Variants in HPS4 observed in about 807,000 individuals in gnomAD.
HPS4 encodes the protein HPS4 biogenesis of lysosomal organelles complex 3 subunit 2.
In HPS4, 44 loss-of-function variants were observed where a neutral mutation model predicts 70.3. That is an observed-to-expected ratio of 0.63 (90% CI 0.49 to 0.80). The LOEUF (loss-of-function observed/expected upper bound fraction) is 0.80, where lower values mean the gene tolerates loss of function less well. Among genes scored for constraint, HPS4 ranks in the 30% least tolerant of loss-of-function variants. The pLI is 0.00. For synonymous variants in HPS4, 377 were observed against 355.9 expected (o/e 1.06, Z -0.67); for missense variants, 873 against 884.4 (o/e 0.99, Z 0.16).
intron 7 of HPS4, among the ~76,000 whole-genome samples, chr22:26,469,341 G>T (rs1195147831): frequency 2.0e-5 from 3 of 150,772 alleles, no homozygotes; most frequent in Non-Finnish European, 4.4e-5. Flanking sequence ...AGTGCTTGTT[G>T]TTCCAGCTAC....
At chr22:26,450,641 CAT>C (rs1454269217), downstream of HPS4, among the ~76,000 whole-genome samples, 6 of 152,340 alleles carry the variant, frequency 3.9e-5, no homozygotes, top group Middle Eastern at 3.4e-3. Flanking sequence ...ATAGTCCCCA[CAT>C]GTCGTGGGAG....
At chr22:26,465,198 C>T (rs1363686869) in intron 10 of HPS4, among the ~76,000 whole-genome samples, 2 of 152,184 alleles carry the variant, frequency 1.3e-5, no homozygotes, top group Admixed American at 6.5e-5. Context: ...AAAACTGAGG[C>T]TCAGGCAGGG....
chr22:26,476,780 G>C (rs1412806511), intron 4 of HPS4: 11 of 559,130 alleles, frequency 2.0e-5, no homozygotes, highest in Admixed American at 1.5e-4. Context: ...GAAACCAGCT[G>C]TGTGCAATGC....
chr22:26,458,586 GGGGAGAGGGTCATGGGCTTGTA>G lies in HPS4; in HGVS notation c.1714-31_1714-10del, dbSNP rs1284149868. 3.7e-6 allele frequency: 6 copies of G among 1,613,814 alleles called. No individual in the cohort carries two copies. On this transcript the variant is annotated splice_polypyrimidine_tract_variant and intron_variant, in intron 11 of 13. Transcript: ENST00000398145. ...GCCAGGCTGCTGTGGTACTGCAAAG[GGGGAGAGGGTCATGGGCTTGTA>G]GGGCTGACCTCAGCAAGCCTTCTGA...
chr22:26,462,531 G>A (rs568601899), intron 11 of HPS4, among the ~76,000 whole-genome samples: 4 of 152,236 alleles, frequency 2.6e-5, no homozygotes, highest in Non-Finnish European at 4.4e-5. Context: ...TGGCTAAAAC[G>A]AGAGATGCGA....
chr22:26,478,745 C>T (rs1032401847), intron 3 of HPS4, among the ~76,000 whole-genome samples: 5 of 101,290 alleles, frequency 4.9e-5, no homozygotes, highest in African/African-American at 1.3e-4. Context: ...TGTGCAATGG[C>T]GCAGTCTCTG....
Position 26,453,159 on chromosome 22 carries a change from G to T in HPS4, c.*74C>A. The T allele has an allele frequency of 7.2e-7, 1 of 1,385,134 alleles. No individual in the cohort carries two copies. The highest frequency in any genetic ancestry group is 1.0e-6 in the Non-Finnish European group (1 of 983,886). The allele number at this position is 1,385,134 out of a possible 1,614,324, so 85.8% of individuals were successfully genotyped here. A position where few individuals can be genotyped will look rare whatever the true frequency, so the allele number is the denominator to read the frequency against. The stretch of plus-strand genomic sequence containing the variant: ...ATGTTTTCAAGAAAAATAAAATAGA[G>T]GGGCCTTTTCAATTATAAAAGGCAG... On this transcript the variant is annotated 3_prime_UTR_variant, in exon 14 of 14. Coordinates refer to ENST00000398145, the MANE Select transcript of HPS4 (RefSeq NM_022081.6).
chr22:26,480,179 GTT>G (rs1569132264), intron 2 of HPS4, among the ~76,000 whole-genome samples: 1 of 152,234 alleles, frequency 6.6e-6, no homozygotes, highest in African/African-American at 2.4e-5. Flanking sequence ...CCTCAATTTT[GTT>G]TTGTTTTTAC....
At chr22:26,463,456 A>C (rs532974015) in intron 11 of HPS4, among the ~76,000 whole-genome samples, 1 of 152,326 alleles carries the variant, frequency 6.6e-6, no homozygotes, top group East Asian at 1.9e-4. Context: ...CAACACATGC[A>C]CGTACGTGTG....
At chr22:26,477,728 T>C (rs1602089501) in intron 3 of HPS4, among the ~76,000 whole-genome samples, 1 of 152,122 alleles carries the variant, frequency 6.6e-6, no homozygotes, top group East Asian at 1.9e-4. Context: ...ACCAAGACTC[T>C]AGATCTTACT....
chr22:26,473,581 C>T (rs754306520), intron 4 of HPS4, among the ~76,000 whole-genome samples: 15 of 152,082 alleles, frequency 9.9e-5, no homozygotes, highest in East Asian at 1.9e-4. Context: ...GGTGAAACCC[C>T]GTCTCTACTA....
In HPS4 at chr22:26,464,794, C is replaced by T. The variant is rs143294921; in HGVS notation, c.836G>A (p.Gly279Asp). ...ACCCTTTGGATGGTGCTGGGCTGAA[C>T]CATCCTGGAGTCCTGCTGGAGATGC... The part of the protein sequence containing the change: ...SLASPAGLQD[G>D]SAQHHPKGGS... The change falls in exon 11 of 14, where the codon GGT becomes GAT. Residue 279 changes from glycine to aspartate, a missense_variant. Physicochemically the swap from Gly to Asp is moderately conservative, Grantham distance 94. Coordinates refer to ENST00000398145, the MANE Select transcript of HPS4 (RefSeq NM_022081.6). The T allele has an allele frequency of 4.0e-5, 64 of 1,592,576 alleles. No homozygotes were observed. Among genetic ancestry groups the T allele is most frequent in the Middle Eastern group, 3.4e-4 (2 of 5,938 alleles).
intron 11 of HPS4, 111 bp downstream of exon 11, chr22:26,463,806 C>A: frequency 8.5e-7 from 1 of 1,171,500 alleles, no homozygotes; most frequent in East Asian, 2.4e-5. Flanking sequence ...GGTCACACAA[C>A]TGAGGGCTGA....
chr22:26,464,323 T>C lies in HPS4; in HGVS notation c.1307A>G (p.Gln436Arg), dbSNP rs117114544. The change falls in exon 11 of 14, where the codon CAG (glutamine) becomes CGG (arginine). Residue 436 changes from glutamine (Q) to arginine (R), a missense_variant. Transcript: ENST00000398145. The stretch of plus-strand genomic sequence containing the variant: ...TTCGAGCTGCTCTTGGGCTCCATGC[T>C]GGGTCAGCATCTCAGGAGCAGAGGG... ...RPPSAPEMLT[Q>R]HGAQEQLEDH... The C allele has an allele frequency of 6.2e-7, 1 of 1,614,118 alleles. No homozygotes were observed. The highest frequency in any genetic ancestry group is 2.2e-5 in the East Asian group (1 of 44,870).
chr22:26,467,636 A>G (rs1023527304), intron 8 of HPS4: 3 of 152,246 alleles, frequency 2.0e-5, no homozygotes, highest in Admixed American at 1.3e-4. Flanking sequence ...GGCTGAATAG[A>G]GCCCTACCAG....
At chr22:26,473,687 G>A (rs1196222916) in intron 4 of HPS4, among the ~76,000 whole-genome samples, 2 of 152,018 alleles carry the variant, frequency 1.3e-5, no homozygotes, top group African/African-American at 2.4e-5. Context: ...AGGTTGCAGC[G>A]AGCCGAGATT....
At chr22:26,446,802 T>G (rs983949483), downstream of HPS4, among the ~76,000 whole-genome samples, 1 of 152,200 alleles carries the variant, frequency 6.6e-6, no homozygotes, top group African/African-American at 2.4e-5. Flanking sequence ...TGGCGCAATC[T>G]CGGCTCACTG....
At chr22:26,454,913 T>C (rs2085825096) in intron 13 of HPS4, among the ~76,000 whole-genome samples, 1 of 151,902 alleles carries the variant, frequency 6.6e-6, no homozygotes, top group Admixed American at 6.6e-5. Flanking sequence ...CATCAAAAAG[T>C]GGGCGAAGGA....
chr22:26,466,294 G>A (rs2088605165), intron 8 of HPS4, 32 bp from the exon 9 acceptor site: 1 of 1,612,648 alleles, frequency 6.2e-7, no homozygotes, highest in Non-Finnish European at 8.5e-7. Context: ...AGTTGGCGCT[G>A]GGCACCACAT....
Sources: allele counts gnomAD v4.1 joint callset (sites outside exome capture counted in the v4.1 genomes callset), GRCh38; gene constraint gnomAD v4.1.1; transcripts MANE v1.5; gene names NCBI Gene and HGNC (gene_info 2026-07-23, HGNC 2026-07-21).